TRAF5: variants seen among roughly 807,000 people sequenced by gnomAD.
TRAF5 encodes the protein TNF receptor-associated factor 5.
A neutral mutation model predicts 64.5 loss-of-function variants in TRAF5; 48 were observed. That is an observed-to-expected ratio of 0.74 (90% CI 0.59 to 0.95). The LOEUF is 0.95. TRAF5 is among the 40% of genes least tolerant of loss of function. The probability of loss-of-function intolerance (pLI) is 0.00; values close to 1 mark genes in which losing one functional copy is unlikely to be tolerated. For missense variants in TRAF5, 545 were observed against 662.8 expected, an observed-to-expected ratio of 0.82 and a Z score of 1.95; for synonymous variants, 206 against 240.5, an observed-to-expected ratio of 0.86 and a Z score of 1.33.
chr1:211,366,919 T>C (rs1041942854), intron 8 of TRAF5, among the ~76,000 whole-genome samples: 2 of 152,180 alleles, frequency 1.3e-5, no homozygotes, highest in African/African-American at 4.8e-5. Context: ...TTTTCAATAA[T>C]AGGGAGCTAA....
Position 211,373,110 on chromosome 1 carries a change from C to T in TRAF5, c.*408C>T, listed in dbSNP as rs1370199538. 1 of 155,792 alleles carries T rather than the reference C, an allele frequency of 6.4e-6. No individual in the cohort carries two copies. Among genetic ancestry groups the T allele is most frequent in the African/African-American group, 2.4e-5 (1 of 41,400 alleles). The allele number at this position is 155,792 out of a possible 1,614,324, so 9.7% of individuals were successfully genotyped here. On this transcript the variant is annotated 3_prime_UTR_variant, in exon 11 of 11. Transcript: ENST00000261464. ...TTTGGCCTATTGATTCTAGACCTGG[C>T]CTTAAGTCTGCAAAAGCCATCTTTA...
chr1:211,371,558 C>A, intron 10 of TRAF5, 88 bp downstream of exon 10: 1 of 1,292,560 alleles, frequency 7.7e-7, no homozygotes, highest in Non-Finnish European at 1.1e-6. Flanking sequence ...AATAGAGAGT[C>A]ACATCTGTCC....
chr1:211,353,187 T>C, intron 1 of TRAF5, 52 bp from the exon 2 acceptor site: 1 of 1,523,632 alleles, frequency 6.6e-7, no homozygotes. Flanking sequence ...TGGCTGTGGT[T>C]GTTTCAGTGT....
At position 211,360,023 on chromosome 1, in the gene TRAF5, C is replaced by T. The variant is rs200980823; in HGVS notation, c.490C>T (p.Arg164Ter). ...KEHLSASCQF[R>*]KEKCLYCKKD... ...GCATTTGAGTGCATCCTGTCAGTTT[C>T]GAAAGGAAAAATGCCTTTATTGCAA... The change falls in exon 5 of 11, where the codon CGA becomes TGA. Residue 164 changes from arginine to a stop codon, truncating the protein, a stop_gained. Transcript: ENST00000261464. LOFTEE classifies it high-confidence loss of function. The T allele has an allele frequency of 9.3e-6, 15 of 1,613,988 alleles. No homozygotes were observed. The highest frequency in any genetic ancestry group is 1.6e-4 in the Middle Eastern group (1 of 6,062).
At chr1:211,368,884 A>G (rs1703436665) in intron 8 of TRAF5, 1 of 152,240 alleles carries the variant, frequency 6.6e-6, no homozygotes. Flanking sequence ...TTTGAGGCAT[A>G]CAAGAGCTAA....
At chr1:211,356,219 G>T in intron 3 of TRAF5, 148 bp from the exon 4 acceptor site, 1 of 580,250 alleles carries the variant, frequency 1.7e-6, no homozygotes, top group South Asian at 2.0e-5. Context: ...CTTTCAGTGT[G>T]GTGTAAGTGT....
chr1:211,354,399 T>A lies in TRAF5; in HGVS notation c.219-11T>A. ...AACTAACTCTGGCTCCATTTTAATT[T>A]TTTTCTCCAGAGAATTAAACACAGT... On this transcript the variant is annotated splice_polypyrimidine_tract_variant and intron_variant, in intron 2 of 10. Transcript: ENST00000261464. 4 of 1,613,786 alleles carry A rather than the reference T, an allele frequency of 2.5e-6. No individual in the cohort carries two copies. Among genetic ancestry groups the A allele is most frequent in the Non-Finnish European group, 3.4e-6 (4 of 1,179,816 alleles).
At chr1:211,327,024 C>G in intron 1 of TRAF5, 135 bp downstream of exon 1, 1 of 790,626 alleles carries the variant, frequency 1.3e-6, no homozygotes, top group South Asian at 5.6e-5. Context: ...CGGTCCCCGA[C>G]CGGCGGGGAG....
Position 211,369,438 on chromosome 1 carries a change from G to A in TRAF5, c.790-14G>A, listed in dbSNP as rs113231913. On this transcript the variant is annotated splice_polypyrimidine_tract_variant and intron_variant, in intron 8 of 10. Transcript: ENST00000261464. ...ATTCAGTGACTTTATTTTTCCTCAC[G>A]TTCCTGTTATTAGATTTCTGACTTA... 46 of 1,564,790 alleles carry A rather than the reference G, an allele frequency of 2.9e-5. No individual in the cohort carries two copies. The highest frequency in any genetic ancestry group is 1.0e-4 in the Admixed American group (5 of 48,348).
intron 1 of TRAF5, among the ~76,000 whole-genome samples, chr1:211,331,890 C>T (rs911359249): frequency 1.3e-5 from 2 of 152,230 alleles, no homozygotes; most frequent in African/African-American, 2.4e-5. Flanking sequence ...TGGTCTCAAA[C>T]TCCTGACCTC....
intron 4 of TRAF5, 54 bp from the exon 5 acceptor site, chr1:211,359,858 C>G: frequency 6.2e-7 from 1 of 1,608,620 alleles, no homozygotes; most frequent in East Asian, 2.2e-5. Context: ...CAGCTGACTT[C>G]TTTCCTACCA....
At chr1:211,358,628 C>G (rs1457466447) in intron 4 of TRAF5, 2 of 151,426 alleles carry the variant, frequency 1.3e-5, no homozygotes, top group Non-Finnish European at 2.9e-5. Flanking sequence ...AGCTCTTCAA[C>G]CCAGGAGGTG....
Position 211,335,952 on chromosome 1 carries a change from A to G in TRAF5, c.-2+9063A>G, listed in dbSNP as rs375786050. On this transcript the variant is annotated intron_variant, in intron 1 of 10. Coordinates refer to ENST00000261464, the MANE Select transcript of TRAF5 (RefSeq NM_001033910.3). ...ATTTGCAGGTGTGGTGGCAGGAAGT[A>G]GAGGTGGTCTGGTCTGATGATCTCT... 8.5e-5 allele frequency among the ~76,000 whole-genome samples: 13 copies of G among 152,192 alleles called. No homozygotes were observed. The East Asian group carries it at 2.5e-3, about 29-fold the overall frequency.
chr1:211,353,014 A>G (rs1265837888), intron 1 of TRAF5, among the ~76,000 whole-genome samples: 1 of 152,210 alleles, frequency 6.6e-6, no homozygotes, highest in Admixed American at 6.5e-5. Flanking sequence ...GAATCTTGCT[A>G]GAAGTCATCT....
chr1:211,330,174 G>T (rs1285948857), intron 1 of TRAF5, among the ~76,000 whole-genome samples: 2 of 152,110 alleles, frequency 1.3e-5, no homozygotes, highest in African/African-American at 2.4e-5. Context: ...ACATGCAAAT[G>T]GTCTGTACAC....
intron 8 of TRAF5, 169 bp downstream of exon 8, chr1:211,365,637 T>C (rs1315137695): frequency 1.9e-6 from 1 of 522,854 alleles, no homozygotes; most frequent in Admixed American, 3.7e-5. Context: ...AACATTAGAA[T>C]TGGAAGGTGC....
Position 211,351,649 on chromosome 1 carries a change from G to A in TRAF5, c.-1-1590G>A, listed in dbSNP as rs554011025. Among the ~76,000 whole-genome samples the A allele has an allele frequency of 1.2e-4, 19 of 152,182 alleles. No individual in the cohort carries two copies. In the East Asian group the frequency reaches 3.7e-3, roughly 29 times the overall value. Reference sequence around the variant, plus strand: ...TTCTGAGTTCATTTTTGTGAAGGGTGTCAGGTCTGTGTCTAGCTTCGTTTT... The same window carrying A: ...TTCTGAGTTCATTTTTGTGAAGGGTATCAGGTCTGTGTCTAGCTTCGTTTT... On this transcript the variant is annotated intron_variant, in intron 1 of 10. Coordinates refer to ENST00000261464, the MANE Select transcript of TRAF5 (RefSeq NM_001033910.3).
chr1:211,360,642 G>A (rs1046293232), intron 5 of TRAF5, 60 bp from the exon 6 acceptor site: 5 of 1,317,594 alleles, frequency 3.8e-6, no homozygotes, highest in African/African-American at 2.9e-5. Context: ...AGACACAGGT[G>A]TAATCACTGT....
intron 1 of TRAF5, among the ~76,000 whole-genome samples, chr1:211,351,980 T>G (rs1702799361): frequency 6.6e-6 from 1 of 152,134 alleles, no homozygotes; most frequent in Non-Finnish European, 1.5e-5. Flanking sequence ...CAGTGTTATC[T>G]TAGGCCAGGT....
Sources: gnomAD v4.1 joint callset for allele counts (sites outside exome capture counted in the v4.1 genomes callset) on GRCh38, gnomAD v4.1.1 for gene constraint, MANE v1.5 for transcripts, NCBI Gene and HGNC (gene_info 2026-07-23, HGNC 2026-07-21) for gene names.